Variants in GABRR2 observed in about 807,000 individuals in gnomAD.
GABRR2 encodes gamma-aminobutyric acid receptor subunit rho-2.
GABRR2 carries 36 observed loss-of-function variants against 47.0 expected under a neutral mutation model. That is an observed-to-expected ratio of 0.77 (90% CI 0.59 to 1.01). The LOEUF (loss-of-function observed/expected upper bound fraction) is 1.01. Among genes scored for constraint, GABRR2 ranks in the 50% least tolerant of loss-of-function variants. The pLI is 0.00. For synonymous variants in GABRR2, 204 were observed against 227.5 expected (o/e 0.90, Z 0.93); for missense variants, 587 against 594.6 (o/e 0.99, Z 0.13).
chr6:89,270,950 A>G (rs1774036822), intron 3 of GABRR2, among the ~76,000 whole-genome samples: 1 of 152,256 alleles, frequency 6.6e-6, no homozygotes, highest in Non-Finnish European at 1.5e-5. Flanking sequence ...TAGGCTATGA[A>G]GAAAAAACAG....
intron 1 of GABRR2, among the ~76,000 whole-genome samples, 160 bp from the exon 2 acceptor site, chr6:89,300,025 C>G (rs1170805221): frequency 1.3e-5 from 2 of 152,212 alleles, no homozygotes; most frequent in African/African-American, 4.8e-5. Flanking sequence ...CCTCCACACA[C>G]ACGCCAGATC....
intron 1 of GABRR2, among the ~76,000 whole-genome samples, chr6:89,303,653 A>G (rs1363972738): frequency 6.6e-6 from 1 of 150,868 alleles, no homozygotes; most frequent in Non-Finnish European, 1.5e-5. Flanking sequence ...GGAGGAAAAA[A>G]AAAAAAAAAA....
chr6:89,282,238 A>T (rs1328744348), intron 2 of GABRR2, among the ~76,000 whole-genome samples: 1 of 151,986 alleles, frequency 6.6e-6, no homozygotes. Context: ...TCACATACTG[A>T]TCTTGCTCTC....
intron 1 of GABRR2, chr6:89,302,830 T>A: frequency 1.4e-6 from 2 of 1,394,026 alleles, no homozygotes; most frequent in Non-Finnish European, 2.0e-6. Flanking sequence ...GTGTGTGACA[T>A]CCCACCCCCC....
At chr6:89,266,863 CA>C (rs1562354122) in intron 6 of GABRR2, among the ~76,000 whole-genome samples, 154 of 152,278 alleles carry the variant, frequency 1.0e-3, no homozygotes, top group African/African-American at 3.5e-3. Context: ...CTCTATTGCC[CA>C]GGCTGGAGTG....
chr6:89,290,418 C>T (rs1774416197), intron 2 of GABRR2, among the ~76,000 whole-genome samples: 1 of 152,234 alleles, frequency 6.6e-6, no homozygotes, highest in Non-Finnish European at 1.5e-5. Flanking sequence ...GGACCAGGGG[C>T]AGGCACAGGC....
At chr6:89,260,689 GC>G (rs1773725303) in intron 8 of GABRR2, among the ~76,000 whole-genome samples, 1 of 152,132 alleles carries the variant, frequency 6.6e-6, no homozygotes, top group South Asian at 2.1e-4. Flanking sequence ...ATTCCAGGGT[GC>G]CATCCTCAAA....
chr6:89,283,064 T>C (rs745690809), intron 2 of GABRR2, among the ~76,000 whole-genome samples: 9 of 152,386 alleles, frequency 5.9e-5, no homozygotes, highest in Non-Finnish European at 1.2e-4. Context: ...TATAAAGTTC[T>C]TTCTCAGTGT....
At chr6:89,263,356 C>T (rs1204726440) in intron 8 of GABRR2, among the ~76,000 whole-genome samples, 1 of 152,046 alleles carries the variant, frequency 6.6e-6, no homozygotes, top group Non-Finnish European at 1.5e-5. Context: ...ATCAGTAAGG[C>T]TTCCAGTCAA....
intron 2 of GABRR2, among the ~76,000 whole-genome samples, chr6:89,284,160 T>G (rs115753161): frequency 0.015 from 2,269 of 152,122 alleles, 54 homozygotes; most frequent in African/African-American, 0.05. Flanking sequence ...TGGTTACCCT[T>G]GGGAAGTACC....
At position 89,299,855 on chromosome 6, in the gene GABRR2, T is replaced by C. The variant is rs1434646513; in HGVS notation, c.124A>G (p.Lys42Glu). The change falls in exon 2 of 9, where the codon AAG becomes GAG. Residue 42 changes from lysine (K) to glutamate (E), a missense_variant. Coordinates refer to ENST00000402938, the MANE Select transcript of GABRR2 (RefSeq NM_002043.5). Reference sequence around the variant, plus strand: ...ATCTTGGTCACATCAAGGTTCTTCTTATATAAGTGACTGTGAAGACAAGCA... The same window carrying C: ...ATCTTGGTCACATCAAGGTTCTTCTCATATAAGTGACTGTGAAGACAAGCA... ...VEMPKPSHLY[K>E]KNLDVTKIRK... is the part of the protein sequence containing the mutation. 3.7e-6 allele frequency: 6 copies of C among 1,609,354 alleles called. No individual in the cohort carries two copies. The highest frequency in any genetic ancestry group is 5.1e-6 in the Non-Finnish European group (6 of 1,175,768).
At chr6:89,272,508 T>C (rs1464406849) in intron 2 of GABRR2, among the ~76,000 whole-genome samples, 2 of 152,282 alleles carry the variant, frequency 1.3e-5, no homozygotes, top group Non-Finnish European at 2.9e-5. Context: ...GTGTATGTTA[T>C]GCTTTAGTAA....
intron 1 of GABRR2, among the ~76,000 whole-genome samples, chr6:89,313,454 G>T (rs75540276): frequency 6.6e-6 from 1 of 152,130 alleles, no homozygotes; most frequent in Non-Finnish European, 1.5e-5. Context: ...AGCCATTCAC[G>T]TTTCCCAAAA....
rs1406766188 is a variant in GABRR2, at chr6:89,257,491, T to C, written c.*179A>G. The C allele has an allele frequency of 8.3e-6, 5 of 602,122 alleles. No individual in the cohort carries two copies. Among genetic ancestry groups the C allele is most frequent in the Non-Finnish European group, 1.5e-5 (5 of 342,008 alleles). The allele number at this position is 602,122 out of a possible 1,614,324, so 37.3% of individuals were successfully genotyped here. The stretch of plus-strand genomic sequence containing the variant: ...ATGAACATGGAGCAGCCCCACGGGG[T>C]CTGGGGTCAGGGCAGCTGGAAGGCT... On this transcript the variant is annotated 3_prime_UTR_variant, in exon 9 of 9. Transcript: ENST00000402938.
At chr6:89,277,868 T>TGGG (rs141786803) in intron 2 of GABRR2, among the ~76,000 whole-genome samples, 10,292 of 84,228 alleles carry the variant, frequency 0.12, 737 homozygotes, top group South Asian at 0.17. Context: ...TGGGCGGGGG[T>TGGG]GGGGGGGGGT....
chr6:89,292,307 G>A (rs1210997310), intron 2 of GABRR2, among the ~76,000 whole-genome samples: 1 of 144,882 alleles, frequency 6.9e-6, no homozygotes, highest in African/African-American at 2.5e-5. Context: ...TGGTGCAGCC[G>A]CTGTGGAAAA....
chr6:89,259,852 G>A (rs1773702201), intron 8 of GABRR2, among the ~76,000 whole-genome samples: 2 of 150,476 alleles, frequency 1.3e-5, no homozygotes, highest in Non-Finnish European at 2.9e-5. Context: ...AGGGAATTGG[G>A]GATAAAAGGT....
At chr6:89,266,063 TTTTG>T (rs772893574) in intron 6 of GABRR2, among the ~76,000 whole-genome samples, 2 of 152,188 alleles carry the variant, frequency 1.3e-5, no homozygotes, top group South Asian at 2.1e-4. Context: ...TCGTTTGGGT[TTTTG>T]TTTGTTTGTT....
At chr6:89,310,072 T>C (rs1767654265) in intron 1 of GABRR2, among the ~76,000 whole-genome samples, 1 of 151,934 alleles carries the variant, frequency 6.6e-6, no homozygotes, top group African/African-American at 2.4e-5. Flanking sequence ...CAGCCTAGTG[T>C]TGATATTCTC....
Sources: gnomAD v4.1 joint callset for allele counts (sites outside exome capture counted in the v4.1 genomes callset) on GRCh38, gnomAD v4.1.1 for gene constraint, MANE v1.5 for transcripts, NCBI Gene and HGNC (gene_info 2026-07-23, HGNC 2026-07-21) for gene names.